TMEM163: variants seen among roughly 807,000 people sequenced by gnomAD.
TMEM163 encodes transmembrane protein 163.
A neutral mutation model predicts 29.3 loss-of-function variants in TMEM163; 17 were observed. The observed-to-expected ratio is 0.58, with a 90% CI of 0.40 to 0.87. The LOEUF (loss-of-function observed/expected upper bound fraction) is 0.87. Ranked by LOEUF, TMEM163 falls within the 40% of genes least tolerant of loss-of-function variation. The pLI, the probability that TMEM163 is intolerant of heterozygous loss-of-function variation, is 0.00. For synonymous variants in TMEM163, 157 were observed against 160.6 expected, an observed-to-expected ratio of 0.98 and a Z score of 0.17; for missense variants, 303 against 381.5, an observed-to-expected ratio of 0.79 and a Z score of 1.71.
intron 5 of TMEM163, among the ~76,000 whole-genome samples, chr2:134,495,983 C>T (rs1245102521): frequency 6.6e-6 from 1 of 152,184 alleles, no homozygotes; most frequent in African/African-American, 2.4e-5. Flanking sequence ...CGGAGGACTC[C>T]CCAATTCATC....
At position 134,646,615 on chromosome 2, in the gene TMEM163, T is replaced by C. The variant is rs576510010; in HGVS notation, c.322+66585A>G. ...GTGCATCACCATGCCCAGCTAATTT[T>C]TGTATTATTAATAGAGATGGGGTTT... On this transcript the variant is annotated intron_variant, in intron 2 of 7. Coordinates refer to ENST00000281924, the MANE Select transcript of TMEM163 (RefSeq NM_030923.5). Among the ~76,000 whole-genome samples, 9 of 152,012 alleles carry C rather than the reference T, an allele frequency of 5.9e-5. No individual in the cohort carries two copies. The East Asian group carries it at 1.2e-3, about 20-fold the overall frequency.
chr2:134,496,011 G>A (rs1053804841), intron 5 of TMEM163, among the ~76,000 whole-genome samples: 6 of 152,120 alleles, frequency 3.9e-5, no homozygotes, highest in South Asian at 2.1e-4. Flanking sequence ...AATAGAAGTC[G>A]GTTAGATCTA....
At chr2:134,639,227 T>A (rs993898102) in intron 2 of TMEM163, among the ~76,000 whole-genome samples, 6 of 151,800 alleles carry the variant, frequency 4.0e-5, no homozygotes, top group Non-Finnish European at 8.8e-5. Flanking sequence ...AAAATCAGAG[T>A]GGATTTTTCA....
At chr2:134,550,312 G>A (rs1574229441) in intron 4 of TMEM163, among the ~76,000 whole-genome samples, 3 of 152,256 alleles carry the variant, frequency 2.0e-5, no homozygotes, top group South Asian at 2.1e-4. Flanking sequence ...ATGGATGAGC[G>A]GATGGATAGA....
chr2:134,477,368 A>G (rs1686940773), intron 5 of TMEM163, among the ~76,000 whole-genome samples: 1 of 152,226 alleles, frequency 6.6e-6, no homozygotes, highest in Non-Finnish European at 1.5e-5. Context: ...TGGCAGAGAA[A>G]TGTGCCACGT....
chr2:134,465,473 C>G (rs969095031), intron 6 of TMEM163, among the ~76,000 whole-genome samples: 9 of 152,220 alleles, frequency 5.9e-5, no homozygotes, highest in African/African-American at 2.2e-4. Context: ...CACTGCTTGT[C>G]AAGTTTCTTG....
In TMEM163 at chr2:134,572,615, C is replaced by T. The variant is rs60976883; in HGVS notation, c.323-20524G>A. On this transcript the variant is annotated intron_variant, in intron 2 of 7. Transcript: ENST00000281924. ...TCAGAGAGGAAACAACTTGACTGGG[C>T]CTCCATCATCAATAGGTCTAAATGC... Among the ~76,000 whole-genome samples the T allele has an allele frequency of 5.3e-3, 804 of 152,272 alleles. 21 individuals are homozygous for T. The East Asian group carries it at 0.084, about 16-fold the overall frequency.
intron 5 of TMEM163, among the ~76,000 whole-genome samples, chr2:134,477,924 G>A (rs1217703290): frequency 2.0e-5 from 3 of 152,218 alleles, no homozygotes; most frequent in African/African-American, 7.2e-5. Context: ...GATTCCAAAT[G>A]TTGGAGGTGG....
At chr2:134,701,939 A>G (rs1046691356) in intron 2 of TMEM163, among the ~76,000 whole-genome samples, 18 of 147,488 alleles carry the variant, frequency 1.2e-4, no homozygotes, top group African/African-American at 4.3e-4. Flanking sequence ...AAAAAAAAAG[A>G]ATTTCAAACA....
intron 5 of TMEM163, among the ~76,000 whole-genome samples, chr2:134,496,629 C>G (rs1159789405): frequency 1.3e-5 from 2 of 152,104 alleles, no homozygotes; most frequent in African/African-American, 4.8e-5. Context: ...GAGAGGGGCT[C>G]CCTTTTATCA....
At chr2:134,489,201 G>T (rs627244) in intron 5 of TMEM163, among the ~76,000 whole-genome samples, 43,568 of 152,038 alleles carry the variant, frequency 0.29, 6,783 homozygotes, top group South Asian at 0.46. Context: ...AACCAGGGAA[G>T]GCCTAAAGCA....
intron 2 of TMEM163, among the ~76,000 whole-genome samples, chr2:134,661,428 C>T (rs888692606): frequency 6.6e-6 from 1 of 152,194 alleles, no homozygotes; most frequent in Non-Finnish European, 1.5e-5. Context: ...GAACTTATAT[C>T]GATGGGCAAA....
At chr2:134,532,666 T>C (rs1372707578) in intron 4 of TMEM163, among the ~76,000 whole-genome samples, 1 of 152,230 alleles carries the variant, frequency 6.6e-6, no homozygotes, top group African/African-American at 2.4e-5. Context: ...AGCCTGTCCC[T>C]GGCTTTAGTT....
chr2:134,596,731 C>T (rs1474972923), intron 2 of TMEM163, among the ~76,000 whole-genome samples: 1 of 152,048 alleles, frequency 6.6e-6, no homozygotes, highest in African/African-American at 2.4e-5. Context: ...AATATTGATT[C>T]TTCCTATCCA....
chr2:134,702,769 TG>T (rs1411983879), intron 2 of TMEM163, among the ~76,000 whole-genome samples: 2 of 151,828 alleles, frequency 1.3e-5, no homozygotes, highest in African/African-American at 4.8e-5. Context: ...ATAATGGAAA[TG>T]AAAAAGCTCA....
At chr2:134,479,506 T>C (rs930832479) in intron 5 of TMEM163, among the ~76,000 whole-genome samples, 1 of 152,184 alleles carries the variant, frequency 6.6e-6, no homozygotes, top group African/African-American at 2.4e-5. Context: ...TTTTGGTGTA[T>C]ACCAATACTA....
intron 2 of TMEM163, among the ~76,000 whole-genome samples, chr2:134,567,919 A>C (rs982917338): frequency 1.3e-5 from 2 of 152,204 alleles, no homozygotes; most frequent in Non-Finnish European, 2.9e-5. Context: ...GTGGCTAAAA[A>C]AGGTCCACTT....
intron 5 of TMEM163, chr2:134,468,940 G>A (rs1174352021): frequency 6.6e-6 from 1 of 152,184 alleles, no homozygotes; most frequent in Non-Finnish European, 1.5e-5. Flanking sequence ...CTCTGTAAGC[G>A]GCAGTGGGAT....
chr2:134,592,088 C>G (rs547582326), intron 2 of TMEM163, among the ~76,000 whole-genome samples: 1 of 152,218 alleles, frequency 6.6e-6, no homozygotes, highest in East Asian at 1.9e-4. Context: ...TAAGTGGATT[C>G]AAAGATTTTT....
Sources: allele counts gnomAD v4.1 joint callset (sites outside exome capture counted in the v4.1 genomes callset), GRCh38; gene constraint gnomAD v4.1.1; transcripts MANE v1.5; gene names NCBI Gene and HGNC (gene_info 2026-07-23, HGNC 2026-07-21).